The following OSBPL6 variants were observed in gnomAD, a reference collection of about 807,000 sequenced individuals.
OSBPL6 encodes oxysterol-binding protein-related protein 6.
In OSBPL6, 49 loss-of-function variants were observed where a neutral mutation model predicts 125.8. The ratio of observed to expected loss-of-function variants is 0.39; its 90% confidence interval spans 0.31 to 0.49. OSBPL6 has a LOEUF of 0.49. OSBPL6 is among the 20% of genes least tolerant of loss of function. OSBPL6 has a pLI of 0.88. For synonymous variants in OSBPL6, 394 were observed against 391.8 expected (o/e 1.01, Z -0.07); for missense variants, 986 against 1,135.4 (o/e 0.87, Z 1.89).
At chr2:178,369,822 A>C (rs1252229120) in intron 13 of OSBPL6, among the ~76,000 whole-genome samples, 2 of 152,186 alleles carry the variant, frequency 1.3e-5, no homozygotes, top group Admixed American at 1.3e-4. Flanking sequence ...CCTATCTTTA[A>C]CATTCCCACC....
At chr2:178,370,867 G>T (rs982452706) in intron 13 of OSBPL6, among the ~76,000 whole-genome samples, 12 of 152,168 alleles carry the variant, frequency 7.9e-5, no homozygotes, top group African/African-American at 2.9e-4. Context: ...AGCAAAAACT[G>T]GGTTGAGGGA....
At chr2:178,211,168 G>A (rs537955907) in intron 1 of OSBPL6, among the ~76,000 whole-genome samples, 1 of 152,236 alleles carries the variant, frequency 6.6e-6, no homozygotes, top group East Asian at 1.9e-4. Context: ...CTCCTCACGA[G>A]GCTAAGGAAG....
chr2:178,325,998 T>C (rs1011591708), intron 4 of OSBPL6, among the ~76,000 whole-genome samples: 2 of 152,186 alleles, frequency 1.3e-5, no homozygotes, highest in African/African-American at 2.4e-5. Context: ...ACCACATCTC[T>C]TGGGGCCTCA....
At chr2:178,327,043 A>G (rs757114115) in intron 4 of OSBPL6, among the ~76,000 whole-genome samples, 3 of 150,380 alleles carry the variant, frequency 2.0e-5, no homozygotes, top group Non-Finnish European at 4.4e-5. Flanking sequence ...ATAAAAGACT[A>G]CACAGTGGGT....
intron 1 of OSBPL6, among the ~76,000 whole-genome samples, chr2:178,280,395 G>A (rs1684036709): frequency 6.6e-6 from 1 of 152,160 alleles, no homozygotes; most frequent in South Asian, 2.1e-4. Context: ...AACTATCAGA[G>A]ATGATTGGTT....
At chr2:178,375,415 TTTTGTTTTTG>T (rs1405563823) in intron 15 of OSBPL6, among the ~76,000 whole-genome samples, 1 of 151,374 alleles carries the variant, frequency 6.6e-6, no homozygotes, top group African/African-American at 2.4e-5. Context: ...TTGTTGTTGT[TTTTGTTTTTG>T]TTTGTTTTTG....
At chr2:178,232,524 T>C (rs2090876728) in intron 1 of OSBPL6, among the ~76,000 whole-genome samples, 1 of 152,192 alleles carries the variant, frequency 6.6e-6, no homozygotes, top group Non-Finnish European at 1.5e-5. Context: ...ATAGAACCTG[T>C]ACTATAAGGT....
At chr2:178,289,899 TG>T (rs1393335226) in intron 2 of OSBPL6, among the ~76,000 whole-genome samples, 1 of 152,192 alleles carries the variant, frequency 6.6e-6, no homozygotes, top group Non-Finnish European at 1.5e-5. Context: ...CTAACTATTC[TG>T]GCAAGAATTC....
At chr2:178,229,646 A>G (rs940358859) in intron 1 of OSBPL6, among the ~76,000 whole-genome samples, 1 of 152,162 alleles carries the variant, frequency 6.6e-6, no homozygotes, top group Non-Finnish European at 1.5e-5. Flanking sequence ...CCCCGGCAAC[A>G]TGGCGAAAAC....
chr2:178,281,259 T>C (rs539479979), intron 1 of OSBPL6, among the ~76,000 whole-genome samples: 2 of 152,128 alleles, frequency 1.3e-5, no homozygotes, highest in African/African-American at 4.8e-5. Context: ...GTGATCCGCC[T>C]GCCTCGGCCT....
intron 3 of OSBPL6, among the ~76,000 whole-genome samples, chr2:178,318,879 C>T (rs2154069452): frequency 6.6e-6 from 1 of 152,294 alleles, no homozygotes; most frequent in Middle Eastern, 3.4e-3. Flanking sequence ...GATATTTATT[C>T]CTGTAATGTT....
At position 178,336,422 on chromosome 2, in the gene OSBPL6, G is replaced by A. The variant is rs754789687; in HGVS notation, c.779G>A (p.Arg260Lys). Reference sequence around the variant, plus strand: ...TTACAGGACTCGGAAGAGATGGACAGGTGTGCAGAAGGTTAGTTCTTGCCC... The same window carrying A: ...TTACAGGACTCGGAAGAGATGGACAAGTGTGCAGAAGGTTAGTTCTTGCCC... ...AWLQDSEEMD[R>K]CAEDLAHCQS... is the part of the protein sequence containing the mutation. The change falls in exon 9 of 25, where the codon AGG (arginine) becomes AAG (lysine). Residue 260 changes from arginine (R) to lysine (K), a missense_variant. By Grantham distance (26) the Arg-to-Lys change is conservative. Around this residue, in one of 3 missense-constraint regions of OSBPL6, gnomAD observed 843 missense variants for 997.3 expected, o/e 0.85. Transcript: ENST00000190611. The A allele has an allele frequency of 3.1e-6, 5 of 1,613,952 alleles. No individual in the cohort carries two copies. Among genetic ancestry groups the A allele is most frequent in the Non-Finnish European group, 4.2e-6 (5 of 1,179,938 alleles).
chr2:178,380,497 T>C (rs1280094675), intron 15 of OSBPL6, among the ~76,000 whole-genome samples: 2 of 148,842 alleles, frequency 1.3e-5, no homozygotes, highest in Non-Finnish European at 3.0e-5. Flanking sequence ...TGATCTTTTA[T>C]GTATACTAGG....
At chr2:178,195,614 T>C (rs1030669935) in intron 1 of OSBPL6, among the ~76,000 whole-genome samples, 1 of 152,232 alleles carries the variant, frequency 6.6e-6, no homozygotes, top group African/African-American at 2.4e-5. Flanking sequence ...TGCTTAAACA[T>C]AGAGACCTAA....
At chr2:178,273,346 T>TGGGA (rs776315556) in intron 1 of OSBPL6, among the ~76,000 whole-genome samples, 3 of 152,146 alleles carry the variant, frequency 2.0e-5, no homozygotes, top group Non-Finnish European at 4.4e-5. Flanking sequence ...CCCAACACTT[T>TGGGA]GGGAGGCCAA....
intron 2 of OSBPL6, among the ~76,000 whole-genome samples, chr2:178,288,895 C>T (rs1684965372): frequency 6.6e-6 from 1 of 151,876 alleles, no homozygotes; most frequent in East Asian, 1.9e-4. Flanking sequence ...AGTGATCCAC[C>T]CGCCTTGGCC....
At chr2:178,199,173 T>G (rs2089092397) in intron 1 of OSBPL6, among the ~76,000 whole-genome samples, 1 of 152,218 alleles carries the variant, frequency 6.6e-6, no homozygotes, top group African/African-American at 2.4e-5. Flanking sequence ...TCCCTATGTG[T>G]GATTAAAAGA....
At chr2:178,254,000 G>T (rs940428688) in intron 1 of OSBPL6, among the ~76,000 whole-genome samples, 1 of 152,196 alleles carries the variant, frequency 6.6e-6, no homozygotes, top group Non-Finnish European at 1.5e-5. Context: ...GTAATGCTCT[G>T]TGCCACCTCA....
intron 1 of OSBPL6, among the ~76,000 whole-genome samples, chr2:178,226,063 C>G (rs972303782): frequency 3.3e-5 from 5 of 152,186 alleles, no homozygotes; most frequent in Non-Finnish European, 7.3e-5. Context: ...AATACCTTTT[C>G]TGGGCCATAA....
Sources: gnomAD v4.1 joint callset for allele counts (sites outside exome capture counted in the v4.1 genomes callset) on GRCh38, gnomAD v4.1.1 for gene constraint, gnomAD v4.1.1 regional missense constraint, MANE v1.5 for transcripts, NCBI Gene and HGNC (gene_info 2026-07-23, HGNC 2026-07-21) for gene names.